PPP2R2B: variants seen among roughly 807,000 people sequenced by gnomAD.
The protein encoded by PPP2R2B is protein phosphatase 2 regulatory subunit Bbeta.
In PPP2R2B, 5 loss-of-function variants were observed where a neutral mutation model predicts 46.0. The observed-to-expected ratio is 0.11, with a 90% CI of 0.06 to 0.23. The LOEUF (loss-of-function observed/expected upper bound fraction) is 0.23. PPP2R2B is among the 10% of genes least tolerant of loss of function. The pLI is 1.00. For missense variants in PPP2R2B, 367 were observed against 575.0 expected (o/e 0.64, Z 3.70); for synonymous variants, 215 against 206.7 (o/e 1.04, Z -0.34).
intron 2 of PPP2R2B, among the ~76,000 whole-genome samples, chr5:146,779,870 A>G (rs948513793): frequency 6.6e-6 from 1 of 152,168 alleles, no homozygotes; most frequent in Admixed American, 6.5e-5. Context: ...TCCTGGATTA[A>G]TAATACACAT....
Position 146,587,395 on chromosome 5 carries a change from GCT to G in PPP2R2B, c.*2550_*2551del, listed in dbSNP as rs1770218929. 6.6e-6 allele frequency: 1 copy of G among 152,216 alleles called. No homozygotes were observed. Among genetic ancestry groups the G allele is most frequent in the African/African-American group, 2.4e-5 (1 of 41,440 alleles). 9.4% of individuals were successfully genotyped at this position (152,216 alleles called of 1,614,324 possible). ...ATGGAGGAGAGGATGGCTGCCCTCT[GCT>G]CTTTCTTCTCTGGCAAACTCATCCT... is the stretch of plus-strand genomic sequence containing the variant. On this transcript the variant is annotated 3_prime_UTR_variant, in exon 10 of 10. Coordinates refer to ENST00000394411, the MANE Select transcript of PPP2R2B (RefSeq NM_181675.4).
At position 146,866,186 on chromosome 5, in the gene PPP2R2B, G is replaced by T. The variant is rs148370782; in HGVS notation, c.70+11816C>A. Among the ~76,000 whole-genome samples, 28 of 152,222 alleles carry T rather than the reference G, an allele frequency of 1.8e-4. No homozygotes were observed. In the East Asian group the frequency reaches 5.4e-3, roughly 29 times the overall value. On this transcript the variant is annotated intron_variant, in intron 2 of 9. Coordinates refer to ENST00000394411, the MANE Select transcript of PPP2R2B (RefSeq NM_181675.4). ...GAAGAGTTTACTGATCCCTGCTCTAGAACATCGACATAATTTTACAAAATG... is the reference window on the plus strand; with the variant it reads ...GAAGAGTTTACTGATCCCTGCTCTATAACATCGACATAATTTTACAAAATG...
At chr5:146,906,986 AG>A (rs1368469407) in intron 1 of PPP2R2B, among the ~76,000 whole-genome samples, 1 of 152,198 alleles carries the variant, frequency 6.6e-6, no homozygotes, top group Non-Finnish European at 1.5e-5. Context: ...TGAGTAACAC[AG>A]GAAGGGGGCG....
chr5:146,590,728 G>T (rs1041861677), intron 9 of PPP2R2B, among the ~76,000 whole-genome samples: 2 of 152,126 alleles, frequency 1.3e-5, no homozygotes, highest in Non-Finnish European at 2.9e-5. Context: ...TGAGGGGAGA[G>T]ATGCTAGTGG....
In PPP2R2B at chr5:146,975,901, C is replaced by A. The variant is rs947726959; in HGVS notation, c.79+79764G>T. On this transcript the variant is annotated intron_variant, in intron 1 of 8. Transcript: ENST00000336640. ...GATCCCTTATCAGATATATAATTTGCAAATATTTTCTCCCATTCTATAGGT... is the reference window on the plus strand; with the variant it reads ...GATCCCTTATCAGATATATAATTTGAAAATATTTTCTCCCATTCTATAGGT... Among the ~76,000 whole-genome samples, 3 of 151,758 alleles carry A rather than the reference C, an allele frequency of 2.0e-5. No homozygotes were observed. The East Asian group carries it at 5.8e-4, about 29-fold the overall frequency.
rs1054366396 is a variant in PPP2R2B, at chr5:146,584,533, T to A, written c.*5414A>T. 1 of 152,206 alleles carries A rather than the reference T, an allele frequency of 6.6e-6. No homozygotes were observed. The highest frequency in any genetic ancestry group is 1.5e-5 in the Non-Finnish European group (1 of 68,040). 9.4% of individuals were successfully genotyped at this position (152,206 alleles called of 1,614,324 possible). A position where few individuals can be genotyped will look rare whatever the true frequency, so the allele number is the denominator to read the frequency against. ...GGATCTGGAACAGGATAGATCTAGA[T>A]AAAACTTCCTGCTACGTCATCTAAC... is the stretch of plus-strand genomic sequence containing the variant. On this transcript the variant is annotated 3_prime_UTR_variant, in exon 10 of 10. Transcript: ENST00000394411.
intron 1 of PPP2R2B, among the ~76,000 whole-genome samples, chr5:146,980,885 T>C (rs115587308): frequency 6.6e-6 from 1 of 152,308 alleles, no homozygotes; most frequent in African/African-American, 2.4e-5. Context: ...TTACTAGTTT[T>C]CTGTGTTGTA....
intron 1 of PPP2R2B, among the ~76,000 whole-genome samples, chr5:146,931,827 T>C (rs988083547): frequency 1.3e-5 from 2 of 152,156 alleles, no homozygotes; most frequent in Non-Finnish European, 2.9e-5. Context: ...CACTTCTTAA[T>C]TCTCTTAACA....
At chr5:147,032,120 T>C (rs1293980706) in intron 1 of PPP2R2B, among the ~76,000 whole-genome samples, 15 of 152,168 alleles carry the variant, frequency 9.9e-5, no homozygotes, top group Admixed American at 9.8e-4. Flanking sequence ...ACCTATAGAC[T>C]GGGAGAAAAT....
chr5:146,807,990 A>G (rs188658466), intron 2 of PPP2R2B, among the ~76,000 whole-genome samples: 1 of 151,372 alleles, frequency 6.6e-6, no homozygotes, highest in Admixed American at 6.6e-5. Context: ...TAGTAGAGAC[A>G]GGGTTTCACC....
chr5:146,877,233 G>A (rs544896431), intron 2 of PPP2R2B, among the ~76,000 whole-genome samples: 1 of 152,140 alleles, frequency 6.6e-6, no homozygotes, highest in Non-Finnish European at 1.5e-5. Flanking sequence ...TAGTGCTTAT[G>A]TCAGAACAAG....
intron 2 of PPP2R2B, among the ~76,000 whole-genome samples, chr5:146,866,375 C>T (rs1761309851): frequency 6.6e-6 from 1 of 152,170 alleles, no homozygotes; most frequent in Non-Finnish European, 1.5e-5. Context: ...AGTCCTGGGT[C>T]TGCTGATTGA....
intron 2 of PPP2R2B, among the ~76,000 whole-genome samples, chr5:146,800,765 G>A (rs1216908835): frequency 6.6e-6 from 1 of 151,992 alleles, no homozygotes; most frequent in East Asian, 1.9e-4. Flanking sequence ...GTTCAAAATA[G>A]GGGGGCTCTC....
chr5:146,600,879 C>A (rs905542255), intron 7 of PPP2R2B, among the ~76,000 whole-genome samples: 1 of 152,152 alleles, frequency 6.6e-6, no homozygotes, highest in African/African-American at 2.4e-5. Flanking sequence ...ATCACAAAAT[C>A]ATTGCTATAA....
At chr5:146,805,194 A>G (rs1220224148) in intron 2 of PPP2R2B, among the ~76,000 whole-genome samples, 1 of 152,192 alleles carries the variant, frequency 6.6e-6, no homozygotes, top group African/African-American at 2.4e-5. Flanking sequence ...TTACATAGAA[A>G]GTTGAGGACA....
In PPP2R2B at chr5:146,581,854, T is replaced by A. The variant is rs1344622326; in HGVS notation, c.*8093A>T. On this transcript the variant is annotated 3_prime_UTR_variant, in exon 10 of 10. Coordinates refer to ENST00000394411, the MANE Select transcript of PPP2R2B (RefSeq NM_181675.4). ...ACCTGCATTTGGAGTTGAAAACCAA[T>A]GGTCTAGATGAAATATGACTTTCAA... 6.6e-6 allele frequency: 1 copy of A among 152,230 alleles called. No individual in the cohort carries two copies. The highest frequency in any genetic ancestry group is 6.5e-5 in the Admixed American group (1 of 15,280). The allele number at this position is 152,230 out of a possible 1,614,324, so 9.4% of individuals were successfully genotyped here.
At chr5:146,604,673 A>G (rs921566054) in intron 7 of PPP2R2B, among the ~76,000 whole-genome samples, 1 of 152,180 alleles carries the variant, frequency 6.6e-6, no homozygotes. Flanking sequence ...CTTTAAATAC[A>G]TTATTGCATT....
At chr5:146,910,538 C>A (rs935665509) in intron 1 of PPP2R2B, among the ~76,000 whole-genome samples, 1 of 152,120 alleles carries the variant, frequency 6.6e-6, no homozygotes, top group Non-Finnish European at 1.5e-5. Context: ...AGATCTCTGA[C>A]CATTAGTTGC....
chr5:146,894,008 T>C lies in PPP2R2B; in HGVS notation c.79+161657A>G, dbSNP rs376360359. ...TTGCAGTTAGCCAAGATTGCGCTGCTACACTCCAGCCTGGGCAATAGAGTG... is the reference window on the plus strand; with the variant it reads ...TTGCAGTTAGCCAAGATTGCGCTGCCACACTCCAGCCTGGGCAATAGAGTG... On this transcript the variant is annotated intron_variant, in intron 1 of 8. Transcript: ENST00000336640. 5.0e-4 allele frequency among the ~76,000 whole-genome samples: 76 copies of C among 152,152 alleles called. 1 individual carries two copies. In the South Asian group the frequency reaches 0.015, roughly 29 times the overall value.
Sources: allele counts gnomAD v4.1 joint callset (sites outside exome capture counted in the v4.1 genomes callset), GRCh38; gene constraint gnomAD v4.1.1; transcripts MANE v1.5; gene names NCBI Gene and HGNC (gene_info 2026-07-23, HGNC 2026-07-21).